Variants in SMARCC2 observed in about 807,000 individuals in gnomAD.
SMARCC2 encodes the protein SWI/SNF related BAF chromatin remodeling complex subunit C2, also known as SWI/SNF complex subunit SMARCC2.
A neutral mutation model predicts 151.3 loss-of-function variants in SMARCC2; 15 were observed. The ratio of observed to expected loss-of-function variants is 0.10; its 90% CI spans 0.07 to 0.15. SMARCC2 has a LOEUF of 0.15. Ranked by LOEUF, SMARCC2 falls within the 10% of genes least tolerant of loss-of-function variation. The pLI is 1.00. For missense variants in SMARCC2, 1,031 were observed against 1,599.7 expected (o/e 0.64, Z 6.06); for synonymous variants, 590 against 609.5 (o/e 0.97, Z 0.47).
intron 3 of SMARCC2, chr12:56,185,360 G>A (rs891864934): frequency 9.2e-6 from 4 of 434,480 alleles, no homozygotes; most frequent in Non-Finnish European, 1.7e-5. Context: ...TGTATTTTTA[G>A]TAAGTAGAGA....
In SMARCC2 at chr12:56,180,907, T is replaced by C. The variant is rs1373315163; in HGVS notation, c.1081+70A>G. ...AGGTGGACCTGAGAAATCAGCTCAC[T>C]TGGGGTTTGGCAAAGGAGAGTCAAG... On this transcript the variant is annotated intron_variant, in intron 11 of 28. Coordinates refer to ENST00000550164, the MANE Select transcript of SMARCC2 (RefSeq NM_001330288.2). 1 of 1,517,588 alleles carries C rather than the reference T, an allele frequency of 6.6e-7. No individual in the cohort carries two copies. The highest frequency in any genetic ancestry group is 2.0e-5 in the Admixed American group (1 of 49,838). The allele number at this position is 1,517,588 out of a possible 1,614,324, so 94.0% of individuals were successfully genotyped here.
At chr12:56,174,537 G>A (rs1874564203) in intron 16 of SMARCC2, 114 bp downstream of exon 16, 2 of 691,842 alleles carry the variant, frequency 2.9e-6, no homozygotes, top group East Asian at 2.5e-5. Flanking sequence ...TTCTCTAGAG[G>A]TGCTTTTTTC....
In SMARCC2 at chr12:56,181,586, T is replaced by C. The variant is rs776984946; in HGVS notation, c.852A>G (p.Pro284=). ...CCTTCTTGTCCCGTCGATCTGAATC[T>C]GGGCTGTTCACCTATAGGATGGAGA... The part of the protein sequence containing the change: ...AKTLTDEVNS[P]DSDRRDKKGG... The change falls in exon 10 of 29, where the codon CCA becomes CCG. Residue 284 remains proline, a synonymous_variant. Coordinates refer to ENST00000550164, the MANE Select transcript of SMARCC2 (RefSeq NM_001330288.2). The C allele has an allele frequency of 4.4e-6, 7 of 1,600,500 alleles. No individual in the cohort carries two copies. Among genetic ancestry groups the C allele is most frequent in the South Asian group, 3.4e-5 (3 of 88,962 alleles).
At chr12:56,183,773 G>A in intron 7 of SMARCC2, 88 bp downstream of exon 7, 1 of 819,266 alleles carries the variant, frequency 1.2e-6, no homozygotes, top group African/African-American at 1.7e-5. Context: ...AAATAACTCT[G>A]AAAGAGTGGC....
intron 14 of SMARCC2, 107 bp downstream of exon 14, chr12:56,178,297 G>T: frequency 7.6e-7 from 1 of 1,320,242 alleles, no homozygotes; most frequent in Non-Finnish European, 1.1e-6. Context: ...TGGTCTATTT[G>T]GGTGAGGAAA....
rs1427781825 is a variant in SMARCC2 at position 56,171,115 on chromosome 12, A to C, written c.2347+156T>G. Among the ~76,000 whole-genome samples the C allele has an allele frequency of 6.6e-6, 1 of 152,204 alleles. No individual in the cohort carries two copies. Among genetic ancestry groups the C allele is most frequent in the African/African-American group, 2.4e-5 (1 of 41,442 alleles). On this transcript the variant is annotated intron_variant, in intron 22 of 28. Transcript: ENST00000550164. This position sits in a 1 kb window ranked among gnomAD's most constrained non-coding sequence, Gnocchi z 4.2. Reference sequence around the variant, plus strand: ...CATGAGAGGACTAGTAGGGCTCCAGAGCCCCTGAGGTAAACTCATGGGGAA... The same window carrying C: ...CATGAGAGGACTAGTAGGGCTCCAGCGCCCCTGAGGTAAACTCATGGGGAA...
chr12:56,189,244 G>GGGGAGGGGCTGGGGCGCC, intron 1 of SMARCC2, 107 bp downstream of exon 1: 1 of 510,382 alleles, frequency 2.0e-6, no homozygotes. Flanking sequence ...GGAGGCCGCG[G>GGGGAGGGGCTGGGGCGCC]GGGAGGGGCT....
rs558530398 is a variant in SMARCC2, at chr12:56,162,556, G to T, written c.*1133C>A. 4 of 486,794 alleles carry T rather than the reference G, an allele frequency of 8.2e-6. No individual in the cohort carries two copies. The highest frequency in any genetic ancestry group is 3.8e-5 in the Admixed American group (1 of 26,294). The allele number at this position is 486,794 out of a possible 1,614,324, so 30.2% of individuals were successfully genotyped here. On this transcript the variant is annotated 3_prime_UTR_variant, in exon 29 of 29. Coordinates refer to ENST00000550164, the MANE Select transcript of SMARCC2 (RefSeq NM_001330288.2). Reference sequence around the variant, plus strand: ...AGCCTGGAGTCACACCTGCCTTCCCGTCACAGGGGAGAAGCTGGGACACGT... The same window carrying T: ...AGCCTGGAGTCACACCTGCCTTCCCTTCACAGGGGAGAAGCTGGGACACGT...
chr12:56,177,566 G>A (rs181071335), intron 15 of SMARCC2, among the ~76,000 whole-genome samples: 11 of 152,242 alleles, frequency 7.2e-5, no homozygotes, highest in South Asian at 6.2e-4. Flanking sequence ...CTTTCCCAGT[G>A]AGCCCTCTCC....
intron 26 of SMARCC2, among the ~76,000 whole-genome samples, chr12:56,166,910 A>G (rs1872883852): frequency 6.6e-6 from 1 of 151,752 alleles, no homozygotes; most frequent in South Asian, 2.1e-4. Flanking sequence ...CTAAAAATAC[A>G]AAAATTAGCT....
Position 56,171,354 on chromosome 12 carries a change from T to C in SMARCC2, c.2264A>G (p.Lys755Arg). ...GGCAGGGTCCGCCTTGCCTGTTACT[T>C]TGGCTGCTTCTTCCACTTTTCGAAC... ...AHVRKVEEAA[K>R]VTGKADPAFG... Residue 755 changes from lysine to arginine, a missense_variant, in exon 22 of 29, where the codon AAA (lysine) becomes AGA (arginine). Transcript: ENST00000550164. This position sits in a 1 kb window ranked among gnomAD's most constrained non-coding sequence, Gnocchi z 4.2. 1 of 1,614,178 alleles carries C rather than the reference T, an allele frequency of 6.2e-7. No individual in the cohort carries two copies. Among genetic ancestry groups the C allele is most frequent in the Middle Eastern group, 1.6e-4 (1 of 6,062 alleles).
At position 56,177,054 on chromosome 12, in the gene SMARCC2, C is replaced by T. The variant is rs139259430; in HGVS notation, c.1382+968G>A. On this transcript the variant is annotated intron_variant, in intron 15 of 28. Coordinates refer to ENST00000550164, the MANE Select transcript of SMARCC2 (RefSeq NM_001330288.2). Reference sequence around the variant, plus strand: ...CAGGCTGAGCTCGAACTCCTGACCTCGGGTGATCCGCCCGCCTCAGCCTCC... The same window carrying T: ...CAGGCTGAGCTCGAACTCCTGACCTTGGGTGATCCGCCCGCCTCAGCCTCC... 6.2e-3 allele frequency among the ~76,000 whole-genome samples: 944 copies of T among 152,140 alleles called. 35 individuals carry two copies. In the East Asian group the frequency reaches 0.12, roughly 19 times the overall value.
chr12:56,172,024 T>C, intron 20 of SMARCC2, 87 bp from the exon 21 acceptor site: 2 of 1,289,116 alleles, frequency 1.6e-6, no homozygotes, highest in Non-Finnish European at 2.2e-6. Context: ...GGGCAGCTGG[T>C]TTCAAAGTTC....
rs1429697516 is a variant in SMARCC2, at chr12:56,171,474, G to A, written c.2186-42C>T. 4.3e-6 allele frequency: 7 copies of A among 1,612,088 alleles called. No homozygotes were observed. The highest frequency in any genetic ancestry group is 2.2e-5 in the East Asian group (1 of 44,862). Reference sequence around the variant, plus strand: ...GAATGAGGCTGGGAGCGGCACAGTGGAACAGTTCTGGCAATCCCTGCAAAA... The same window carrying A: ...GAATGAGGCTGGGAGCGGCACAGTGAAACAGTTCTGGCAATCCCTGCAAAA... On this transcript the variant is annotated intron_variant, in intron 21 of 28. Coordinates refer to ENST00000550164, the MANE Select transcript of SMARCC2 (RefSeq NM_001330288.2). This position sits in a 1 kb window ranked among gnomAD's most constrained non-coding sequence, Gnocchi z 4.2.
chr12:56,189,012 C>T (rs1226772379), intron 1 of SMARCC2, among the ~76,000 whole-genome samples: 1 of 151,916 alleles, frequency 6.6e-6, no homozygotes, highest in African/African-American at 2.4e-5. Flanking sequence ...ATTGGGCACC[C>T]GGTCCACACC....
intron 10 of SMARCC2, 60 bp from the exon 11 acceptor site, chr12:56,181,161 G>A: frequency 1.3e-6 from 2 of 1,549,516 alleles, no homozygotes; most frequent in Non-Finnish European, 1.8e-6. Flanking sequence ...GTCCCTGGAA[G>A]TTGAAGTTCA....
rs1055454672 is a variant in SMARCC2, at chr12:56,181,124, G to A, written c.957-23C>T. 4 of 1,603,430 alleles carry A rather than the reference G, an allele frequency of 2.5e-6. No homozygotes were observed. The Admixed American group carries it at 5.3e-5, about 21-fold the overall frequency. ...GGACTGGGAAGGAAAGAGAGTGAAA[G>A]AGAACCCAGTCATCCTTGGACAAGG... On this transcript the variant is annotated intron_variant, in intron 10 of 28. Transcript: ENST00000550164.
rs1205629371 is a variant in SMARCC2 at position 56,189,393 on chromosome 12, C to A, written c.69G>T (p.Gln23His). Reference protein sequence around the residue: ...KYYEAADTVTQFDNVRLWLGK... With the variant: ...KYYEAADTVTHFDNVRLWLGK... The stretch of plus-strand genomic sequence containing the variant: ...CGAGCCACAGCCGCACGTTGTCGAA[C>A]TGGGTCACGGTGTCCGCGGCCTCGT... The change falls in exon 1 of 29, where the codon CAG becomes CAT. Residue 23 changes from glutamine (Q) to histidine (H), a missense_variant. By Grantham distance (24) the Gln-to-His change is conservative. This residue lies in a region of SMARCC2 where 50 missense variants were observed against 52.4 expected (regional missense o/e 0.95). Coordinates refer to ENST00000550164, the MANE Select transcript of SMARCC2 (RefSeq NM_001330288.2). The A allele has an allele frequency of 2.6e-6, 4 of 1,543,918 alleles. No individual in the cohort carries two copies. The African/African-American group carries it at 4.3e-5, about 16-fold the overall frequency.
At chr12:56,184,541 G>A in intron 5 of SMARCC2, 3 of 536,452 alleles carry the variant, frequency 5.6e-6, no homozygotes, top group Non-Finnish European at 9.9e-6. Flanking sequence ...TTACTATAAA[G>A]TTCCAAAGAG....
Sources: allele counts gnomAD v4.1 joint callset (sites outside exome capture counted in the v4.1 genomes callset), GRCh38; gene constraint gnomAD v4.1.1; regional missense constraint gnomAD v4.1.1; non-coding constraint Gnocchi (gnomAD v3.1); transcripts MANE v1.5; gene names NCBI Gene and HGNC (gene_info 2026-07-23, HGNC 2026-07-21).